Variants in PDE4D observed in about 807,000 individuals in gnomAD.
The protein encoded by PDE4D is 3',5'-cyclic-AMP phosphodiesterase 4D.
PDE4D carries 24 observed loss-of-function variants against 87.4 expected under a neutral mutation model. The ratio of observed to expected loss-of-function variants is 0.27; its 90% CI spans 0.20 to 0.39. The LOEUF (loss-of-function observed/expected upper bound fraction) is 0.39, where lower values mean the gene tolerates loss of function less well. Among genes scored for constraint, PDE4D ranks in the 10% least tolerant of loss-of-function variants. PDE4D has a pLI of 1.00. For missense variants in PDE4D, 714 were observed against 1,041.0 expected (o/e 0.69, Z 4.32); for synonymous variants, 384 against 383.2 (o/e 1.00, Z -0.02).
chr5:59,816,499 A>G lies in PDE4D; in HGVS notation c.455+76669T>C, dbSNP rs143673578. ...ACTTGTATCTTATATTATCCAGAAG[A>G]TAAAATAAGGCACTTACCAAAAATA... is the stretch of plus-strand genomic sequence containing the variant. On this transcript the variant is annotated intron_variant, in intron 1 of 14. Coordinates refer to ENST00000340635, the MANE Select transcript of PDE4D (RefSeq NM_001104631.2). Among the ~76,000 whole-genome samples the G allele has an allele frequency of 1.2e-4, 18 of 152,352 alleles. No individual in the cohort carries two copies. In the East Asian group the frequency reaches 3.5e-3, roughly 29 times the overall value.
chr5:60,455,689 T>TACC, intron 1 of PDE4D, among the ~76,000 whole-genome samples: 1 of 152,206 alleles, frequency 6.6e-6, no homozygotes, highest in East Asian at 1.9e-4. Context: ...TAATAGCAAT[T>TACC]ACCACCACCA....
chr5:59,744,224 G>A (rs1004950467), intron 1 of PDE4D, among the ~76,000 whole-genome samples: 4 of 151,116 alleles, frequency 2.6e-5, no homozygotes, highest in Admixed American at 2.6e-4. Context: ...AATTCATAAT[G>A]GAGGAATCTT....
At position 59,945,915 on chromosome 5, in the gene PDE4D, G is replaced by A. The variant is rs564868741; in HGVS notation, c.272+42573C>T. 2.0e-5 allele frequency among the ~76,000 whole-genome samples: 3 copies of A among 152,220 alleles called. 1 individual carries two copies. In the South Asian group the frequency reaches 6.2e-4, roughly 32 times the overall value. On this transcript the variant is annotated intron_variant, in intron 3 of 16. Coordinates refer to the PDE4D transcript ENST00000502484. Reference sequence around the variant, plus strand: ...GGCTATTTGCTCCTGTTGATTTTAGGGCAATTGTGTAGCTCTAACAGCCCC... The same window carrying A: ...GGCTATTTGCTCCTGTTGATTTTAGAGCAATTGTGTAGCTCTAACAGCCCC...
chr5:58,976,774 A>G (rs1743911884), intron 12 of PDE4D, among the ~76,000 whole-genome samples: 1 of 152,202 alleles, frequency 6.6e-6, no homozygotes, highest in Admixed American at 6.5e-5. Flanking sequence ...TTTGAAAGCT[A>G]GAGATTTTCC....
At chr5:59,139,379 C>T (rs972560999) in intron 5 of PDE4D, among the ~76,000 whole-genome samples, 1 of 152,152 alleles carries the variant, frequency 6.6e-6, no homozygotes, top group Non-Finnish European at 1.5e-5. Flanking sequence ...GTATCTAATA[C>T]CAAAGACCCT....
intron 1 of PDE4D, among the ~76,000 whole-genome samples, chr5:59,472,574 C>A (rs1802620130): frequency 6.6e-6 from 1 of 152,120 alleles, no homozygotes; most frequent in South Asian, 2.1e-4. Flanking sequence ...ATTTCCATTA[C>A]CTTGACTTTT....
chr5:60,495,865 G>C (rs1343011047), intron 1 of PDE4D, among the ~76,000 whole-genome samples: 1 of 152,198 alleles, frequency 6.6e-6, no homozygotes, highest in Non-Finnish European at 1.5e-5. Context: ...CTATGGACCA[G>C]AAATTCCCAA....
At chr5:59,674,269 C>T (rs1459237567) in intron 1 of PDE4D, among the ~76,000 whole-genome samples, 1 of 151,968 alleles carries the variant, frequency 6.6e-6, no homozygotes, top group Non-Finnish European at 1.5e-5. Flanking sequence ...GAATAGATGC[C>T]CACTCTGTCC....
chr5:59,488,564 C>A (rs552976967), intron 1 of PDE4D, among the ~76,000 whole-genome samples: 3 of 152,110 alleles, frequency 2.0e-5, no homozygotes, highest in Admixed American at 2.0e-4. Flanking sequence ...GCACACTGTG[C>A]TTAGCAAACA....
chr5:60,400,635 G>T (rs953639539), intron 1 of PDE4D, among the ~76,000 whole-genome samples: 9 of 149,994 alleles, frequency 6.0e-5, no homozygotes, highest in African/African-American at 2.2e-4. Flanking sequence ...TTAATTTATA[G>T]AATTAAAACT....
chr5:60,151,376 GT>G (rs1175261905), intron 2 of PDE4D, among the ~76,000 whole-genome samples: 2 of 152,100 alleles, frequency 1.3e-5, no homozygotes, highest in Non-Finnish European at 2.9e-5. Flanking sequence ...ACAGTATTAA[GT>G]CTTCCCATCC....
At chr5:59,888,953 C>T (rs1436887070) in intron 1 of PDE4D, among the ~76,000 whole-genome samples, 1 of 151,918 alleles carries the variant, frequency 6.6e-6, no homozygotes, top group African/African-American at 2.4e-5. Context: ...TGTTGCCAGG[C>T]ACGGTGGCTT....
chr5:59,331,319 C>T (rs1168511873), intron 1 of PDE4D, among the ~76,000 whole-genome samples: 3 of 152,200 alleles, frequency 2.0e-5, no homozygotes, highest in South Asian at 2.1e-4. Flanking sequence ...TTGGTTTCTT[C>T]GGGAGACCTC....
At chr5:59,944,643 T>C (rs1211465930) in intron 3 of PDE4D, among the ~76,000 whole-genome samples, 1 of 151,950 alleles carries the variant, frequency 6.6e-6, no homozygotes, top group African/African-American at 2.4e-5. Context: ...AGTGCTGGGA[T>C]TACAGGCGTG....
At chr5:60,314,407 T>C (rs1043527397) in intron 1 of PDE4D, among the ~76,000 whole-genome samples, 16 of 152,168 alleles carry the variant, frequency 1.1e-4, no homozygotes, top group Admixed American at 3.9e-4. Context: ...GATCAGGCAA[T>C]TCACCCACCT....
intron 1 of PDE4D, among the ~76,000 whole-genome samples, chr5:60,304,730 G>A (rs1205815924): frequency 6.6e-6 from 1 of 150,634 alleles, no homozygotes; most frequent in East Asian, 1.9e-4. Flanking sequence ...GATAGGTTGA[G>A]AATTACAGAT....
At chr5:60,042,202 T>A (rs1458562771) in intron 2 of PDE4D, among the ~76,000 whole-genome samples, 1 of 152,150 alleles carries the variant, frequency 6.6e-6, no homozygotes, top group Admixed American at 6.5e-5. Flanking sequence ...AAGTTCAAAC[T>A]GGGCTCAGCT....
chr5:59,018,232 A>C (rs1286115675), intron 6 of PDE4D, among the ~76,000 whole-genome samples: 1 of 152,252 alleles, frequency 6.6e-6, no homozygotes, highest in Non-Finnish European at 1.5e-5. Flanking sequence ...AGAATCACGG[A>C]TACTGGCTGA....
chr5:59,000,922 C>T (rs551705741), intron 6 of PDE4D, among the ~76,000 whole-genome samples: 39 of 152,200 alleles, frequency 2.6e-4, no homozygotes, highest in African/African-American at 8.9e-4. Flanking sequence ...CTCCTGACCT[C>T]AGGGGATCTG....
Sources: gnomAD v4.1 joint callset for allele counts (sites outside exome capture counted in the v4.1 genomes callset) on GRCh38, gnomAD v4.1.1 for gene constraint, MANE v1.5 for transcripts, NCBI Gene and HGNC (gene_info 2026-07-23, HGNC 2026-07-21) for gene names.